Variants in ATAD2B observed in about 807,000 individuals in gnomAD.
ATAD2B encodes the protein ATPase family AAA domain containing 2B.
ATAD2B carries 40 observed loss-of-function variants against 167.6 expected under a neutral mutation model. That is an observed-to-expected ratio of 0.24 (90% CI 0.19 to 0.31). ATAD2B has a LOEUF of 0.31. Ranked by LOEUF, ATAD2B falls within the 10% of genes least tolerant of loss-of-function variation. ATAD2B has a pLI of 1.00. For missense variants in ATAD2B, 1,242 were observed against 1,757.2 expected, an observed-to-expected ratio of 0.71 and a Z score of 5.24; for synonymous variants, 579 against 596.5, an observed-to-expected ratio of 0.97 and a Z score of 0.43.
At chr2:23,705,126 G>A in the ATAD2B span, among the ~76,000 whole-genome samples, 38 of 152,340 alleles carry the variant, frequency 2.5e-4, no homozygotes, top group Admixed American at 6.5e-4. Context: ...TGACTACCCC[G>A]TCCACTGATG....
chr2:23,758,974 A>G (rs1042990445), intron 24 of ATAD2B, among the ~76,000 whole-genome samples: 2 of 152,188 alleles, frequency 1.3e-5, no homozygotes, highest in African/African-American at 2.4e-5. Context: ...AATTTCTCAC[A>G]TATGTATCAA....
In ATAD2B at chr2:23,926,686, G is replaced by C. The variant is rs1704908967; in HGVS notation, c.85C>G (p.Pro29Ala). The change falls in exon 1 of 28, where the codon CCT becomes GCT. Residue 29 changes from proline to alanine, a missense_variant. Physicochemically the swap from Pro to Ala is conservative, Grantham distance 27 (BLOSUM62 -1). This residue lies in a region of ATAD2B where 199 missense variants were observed against 194.9 expected (regional missense o/e 1.02). Coordinates refer to ENST00000238789, the MANE Select transcript of ATAD2B (RefSeq NM_017552.4). ...PGPGPGAGAE[P>A]GATGGSSHFI... ...TGGCTGCTGCCTCCGGTCGCCCCAG[G>C]CTCTGCTCCGGCCCCAGGCCCAGGC... The C allele has an allele frequency of 2.6e-6, 4 of 1,552,950 alleles. No homozygotes were observed. In the South Asian group the frequency reaches 4.7e-5, roughly 18 times the overall value.
the ATAD2B span, among the ~76,000 whole-genome samples, chr2:23,687,637 G>T: frequency 6.6e-6 from 1 of 152,234 alleles, no homozygotes; most frequent in East Asian, 1.9e-4. Context: ...TGGTCCAAGG[G>T]CCTGGCTGTG....
At chr2:23,754,820 A>G in intron 25 of ATAD2B, 46 bp from the exon 26 acceptor site, 7 of 1,579,064 alleles carry the variant, frequency 4.4e-6, no homozygotes, top group Non-Finnish European at 5.2e-6. Context: ...AAAAGTTAAG[A>G]AAAACCAGTC....
At chr2:23,923,107 T>C (rs776309564) in intron 1 of ATAD2B, among the ~76,000 whole-genome samples, 1 of 152,150 alleles carries the variant, frequency 6.6e-6, no homozygotes, top group African/African-American at 2.4e-5. Context: ...ACAATCTAAA[T>C]GTCCAAAAAG....
chr2:23,692,173 GCT>G, the ATAD2B span, among the ~76,000 whole-genome samples: 2 of 152,262 alleles, frequency 1.3e-5, no homozygotes, highest in East Asian at 3.8e-4. Context: ...CTGTGCATGT[GCT>G]CTGTTTGTGG....
the ATAD2B span, among the ~76,000 whole-genome samples, chr2:23,700,444 T>C: frequency 6.6e-6 from 1 of 152,204 alleles, no homozygotes; most frequent in Non-Finnish European, 1.5e-5. The surrounding 1 kb of genome is among the most constrained non-coding windows in gnomAD (Gnocchi z 4.6). Flanking sequence ...ATTGCGCCTC[T>C]CCAGGGAGGA....
At chr2:23,796,151 G>A (rs919058295) in intron 19 of ATAD2B, among the ~76,000 whole-genome samples, 1 of 152,110 alleles carries the variant, frequency 6.6e-6, no homozygotes, top group East Asian at 1.9e-4. Flanking sequence ...TATAAAACAT[G>A]TTATATAATC....
chr2:23,727,804 C>T, the ATAD2B span, among the ~76,000 whole-genome samples: 1 of 152,044 alleles, frequency 6.6e-6, no homozygotes, highest in Non-Finnish European at 1.5e-5. Flanking sequence ...AGTGAATGAA[C>T]AAATCTGAAA....
At chr2:23,730,741 G>GCAT in the ATAD2B span, among the ~76,000 whole-genome samples, 1 of 142,290 alleles carries the variant, frequency 7.0e-6, no homozygotes, top group Non-Finnish European at 1.5e-5. Flanking sequence ...ATGTCAAAAT[G>GCAT]TATGGAATAG....
At chr2:23,917,058 T>C (rs1703141822) in intron 1 of ATAD2B, among the ~76,000 whole-genome samples, 1 of 152,242 alleles carries the variant, frequency 6.6e-6, no homozygotes, top group African/African-American at 2.4e-5. Flanking sequence ...TCACATAGAC[T>C]ACAGCGTGAA....
the ATAD2B span, chr2:23,690,745 T>C: frequency 6.6e-6 from 1 of 152,288 alleles, no homozygotes; most frequent in Non-Finnish European, 1.5e-5. Context: ...AGTGTCACTC[T>C]TGCTTCATCT....
chr2:23,760,771 C>CACACACACACACA (rs1572646294), intron 24 of ATAD2B, among the ~76,000 whole-genome samples: 1 of 130,204 alleles, frequency 7.7e-6, no homozygotes, highest in Non-Finnish European at 1.7e-5. Context: ...CACACACACA[C>CACACACACACACA]CACTTCCTTC....
At chr2:23,693,315 C>A in the ATAD2B span, 4 of 1,549,766 alleles carry the variant, frequency 2.6e-6, no homozygotes, top group Non-Finnish European at 3.5e-6. Flanking sequence ...TGGCCATGGC[C>A]GAGGCCATGC....
At chr2:23,748,496 A>T (rs985517028), downstream of ATAD2B, among the ~76,000 whole-genome samples, 1 of 152,166 alleles carries the variant, frequency 6.6e-6, no homozygotes, top group African/African-American at 2.4e-5. Flanking sequence ...AAAAGCTTTC[A>T]GCTAAAAAAT....
At chr2:23,736,178 C>A in the ATAD2B span, among the ~76,000 whole-genome samples, 1 of 152,164 alleles carries the variant, frequency 6.6e-6, no homozygotes, top group East Asian at 1.9e-4. Flanking sequence ...AATTATTTCT[C>A]ATCTATACAA....
intron 6 of ATAD2B, 25 bp downstream of exon 6, chr2:23,884,740 G>A (rs1018831714): frequency 7.1e-7 from 1 of 1,408,004 alleles, no homozygotes; most frequent in Admixed American, 2.3e-5. Context: ...GAACTTTCTA[G>A]AATTCCAAAA....
At chr2:23,925,948 C>T (rs1704712926) in intron 1 of ATAD2B, among the ~76,000 whole-genome samples, 1 of 152,138 alleles carries the variant, frequency 6.6e-6, no homozygotes. Context: ...GGTTCCCCAG[C>T]TATAATATCA....
Position 23,926,953 on chromosome 2 carries a change from C to A in ATAD2B, c.-183G>T, listed in dbSNP as rs923686365. On this transcript the variant is annotated 5_prime_UTR_variant, in exon 1 of 28. Coordinates refer to ENST00000238789, the MANE Select transcript of ATAD2B (RefSeq NM_017552.4). ...GCAGAGGAAGGGAAGTCGGCGTGAGCAGGCGGCGTGCGGGAAGCGGGGGCG... is the reference window on the plus strand; with the variant it reads ...GCAGAGGAAGGGAAGTCGGCGTGAGAAGGCGGCGTGCGGGAAGCGGGGGCG... 5 of 686,286 alleles carry A rather than the reference C, an allele frequency of 7.3e-6. No individual in the cohort carries two copies. Among genetic ancestry groups the A allele is most frequent in the South Asian group, 2.4e-5 (1 of 42,010 alleles). The allele number at this position is 686,286 out of a possible 1,614,324, so 42.5% of individuals were successfully genotyped here. A position where few individuals can be genotyped will look rare whatever the true frequency, so the allele number is the denominator to read the frequency against.
Sources: gnomAD v4.1 joint callset for allele counts (sites outside exome capture counted in the v4.1 genomes callset) on GRCh38, gnomAD v4.1.1 for gene constraint, gnomAD v4.1.1 regional missense constraint, Gnocchi (gnomAD v3.1) non-coding constraint, MANE v1.5 for transcripts, NCBI Gene and HGNC (gene_info 2026-07-23, HGNC 2026-07-21) for gene names.